Variants in ZC3H14 observed in about 807,000 individuals in gnomAD.
ZC3H14 encodes zinc finger CCCH-type containing 14.
A neutral mutation model predicts 92.4 loss-of-function variants in ZC3H14; 31 were observed. That is an observed-to-expected ratio of 0.34 (90% CI 0.25 to 0.45). ZC3H14 has a LOEUF of 0.45. Ranked by LOEUF, ZC3H14 falls within the 20% of genes least tolerant of loss-of-function variation. The pLI, the probability that ZC3H14 is intolerant of heterozygous loss-of-function variation, is 1.00. For synonymous variants in ZC3H14, 321 were observed against 300.9 expected (o/e 1.07, Z -0.69); for missense variants, 781 against 897.3 (o/e 0.87, Z 1.66).
In ZC3H14 at chr14:88,615,363, T is replaced by A. The variant is rs2087431452; in HGVS notation, c.*3612T>A. Reference sequence around the variant, plus strand: ...CCTTTAGGATGATCATGACTTTCCCTTTCCTTATGGAAATGCAAGAATAAA... The same window carrying A: ...CCTTTAGGATGATCATGACTTTCCCATTCCTTATGGAAATGCAAGAATAAA... On this transcript the variant is annotated 3_prime_UTR_variant, in exon 17 of 17. Transcript: ENST00000251038. 1 of 153,100 alleles carries A rather than the reference T, an allele frequency of 6.5e-6. No homozygotes were observed. The highest frequency in any genetic ancestry group is 1.5e-5 in the Non-Finnish European group (1 of 68,676). 9.5% of individuals were successfully genotyped at this position (153,100 alleles called of 1,614,324 possible).
chr14:88,615,869 G>A lies in ZC3H14; in HGVS notation c.*4118G>A. The A allele has an allele frequency of 6.2e-7, 1 of 1,608,684 alleles. No individual in the cohort carries two copies. On this transcript the variant is annotated 3_prime_UTR_variant, in exon 17 of 17. Transcript: ENST00000251038. ...AGACAAATAAGCTGCAATCAGAGAA[G>A]AAAATTGCAGGGAGTTAATTATGTT...
At chr14:88,609,606 T>G (rs1268349981) in intron 14 of ZC3H14, 106 bp from the exon 15 acceptor site, 1 of 1,425,568 alleles carries the variant, frequency 7.0e-7, no homozygotes, top group Non-Finnish European at 9.8e-7. Flanking sequence ...ACCTTACCAT[T>G]CTAATTTAAA....
intron 9 of ZC3H14, among the ~76,000 whole-genome samples, chr14:88,587,194 C>T (rs2082564320): frequency 6.7e-6 from 1 of 149,702 alleles, no homozygotes; most frequent in African/African-American, 2.5e-5. Flanking sequence ...TAGAGTCTCA[C>T]TTTTGTCACC....
At chr14:88,584,992 C>T (rs1034861282) in intron 9 of ZC3H14, among the ~76,000 whole-genome samples, 141 of 152,276 alleles carry the variant, frequency 9.3e-4, no homozygotes, top group African/African-American at 3.2e-3. Flanking sequence ...GCTGCCACTG[C>T]AGCTACGTTG....
intron 3 of ZC3H14, among the ~76,000 whole-genome samples, chr14:88,570,051 A>G (rs544989724): frequency 1.2e-3 from 187 of 152,268 alleles, no homozygotes; most frequent in Middle Eastern, 3.4e-3. Context: ...TTTCTCCGAT[A>G]ACTTGATAGA....
At chr14:88,575,706 G>T (rs2081075091) in intron 7 of ZC3H14, 134 bp from the exon 8 acceptor site, 5 of 675,012 alleles carry the variant, frequency 7.4e-6, no homozygotes, top group Non-Finnish European at 1.3e-5. Flanking sequence ...TTCCAGTGTA[G>T]TTGGCATTTT....
In ZC3H14 at chr14:88,620,642, G is replaced by T. The variant is rs2088725208; in HGVS notation, c.*8891G>T. 1.1e-5 allele frequency: 9 copies of T among 813,594 alleles called. No homozygotes were observed. The East Asian group carries it at 2.7e-4, about 24-fold the overall frequency. 50.4% of individuals were successfully genotyped at this position (813,594 alleles called of 1,614,324 possible). On this transcript the variant is annotated 3_prime_UTR_variant, in exon 17 of 17. Transcript: ENST00000251038. The surrounding 1 kb of genome is among the most constrained non-coding windows in gnomAD (Gnocchi z 4.3). ...TTTTAGCATACAATTTATAATACGG[G>T]AAATGCTACAGGCCCTGGGGACCTC...
chr14:88,609,894 C>A, intron 15 of ZC3H14, 91 bp downstream of exon 15: 1 of 1,380,448 alleles, frequency 7.2e-7, no homozygotes, highest in Non-Finnish European at 1.0e-6. Context: ...TACATTGGTG[C>A]AAAAGTAATT....
intron 9 of ZC3H14, among the ~76,000 whole-genome samples, chr14:88,594,076 G>A (rs141257046): frequency 1.5e-4 from 22 of 151,432 alleles, no homozygotes; most frequent in East Asian, 1.2e-3. Context: ...TGTGGATCAC[G>A]GGTCCAGTTA....
In ZC3H14 at chr14:88,619,130, C is replaced by T. The variant is rs982821617; in HGVS notation, c.*7379C>T. ...CCTATAATCCCAGAACTTTGGGAAGCGGAGGCGGGCAGATCACCTGAGGTC... is the reference window on the plus strand; with the variant it reads ...CCTATAATCCCAGAACTTTGGGAAGTGGAGGCGGGCAGATCACCTGAGGTC... On this transcript the variant is annotated 3_prime_UTR_variant, in exon 17 of 17. Coordinates refer to ENST00000251038, the MANE Select transcript of ZC3H14 (RefSeq NM_024824.5). 6 of 174,476 alleles carry T rather than the reference C, an allele frequency of 3.4e-5. No individual in the cohort carries two copies. The South Asian group carries it at 4.8e-4, about 14-fold the overall frequency. 10.8% of individuals were successfully genotyped at this position (174,476 alleles called of 1,614,324 possible).
At chr14:88,596,647 A>G (rs2083860083) in intron 9 of ZC3H14, 87 bp from the exon 10 acceptor site, 1 of 1,139,552 alleles carries the variant, frequency 8.8e-7, no homozygotes, top group Non-Finnish European at 1.3e-6. Context: ...CTTCAAGTTA[A>G]GAACCCAGAA....
Position 88,620,902 on chromosome 14 carries a change from C to A in ZC3H14, c.*9151C>A. On this transcript the variant is annotated 3_prime_UTR_variant, in exon 17 of 17. Coordinates refer to ENST00000251038, the MANE Select transcript of ZC3H14 (RefSeq NM_024824.5). The surrounding 1 kb of genome is among the most constrained non-coding windows in gnomAD (Gnocchi z 4.3). Reference sequence around the variant, plus strand: ...TAACACACAGTACGAGCAGCATGTCCCAAATTCACTTTGTTTAACATCTTC... The same window carrying A: ...TAACACACAGTACGAGCAGCATGTCACAAATTCACTTTGTTTAACATCTTC... 1 of 1,519,958 alleles carries A rather than the reference C, an allele frequency of 6.6e-7. No homozygotes were observed. The highest frequency in any genetic ancestry group is 2.4e-5 in the East Asian group (1 of 41,654). The allele number at this position is 1,519,958 out of a possible 1,614,324, so 94.2% of individuals were successfully genotyped here. A position where few individuals can be genotyped will look rare whatever the true frequency, so the allele number is the denominator to read the frequency against.
At chr14:88,599,424 T>C (rs1046893981) in intron 10 of ZC3H14, among the ~76,000 whole-genome samples, 4 of 152,154 alleles carry the variant, frequency 2.6e-5, no homozygotes, top group African/African-American at 7.2e-5. Flanking sequence ...GAACAAAAAG[T>C]AAATGCATGG....
At chr14:88,592,232 G>T (rs1045107784) in intron 9 of ZC3H14, 6 of 152,052 alleles carry the variant, frequency 3.9e-5, no homozygotes, top group African/African-American at 1.2e-4. Context: ...TGCAGGTGGT[G>T]CTTTTCTGAG....
intron 9 of ZC3H14, among the ~76,000 whole-genome samples, chr14:88,578,781 G>GTTTTTTTTTTTTT (rs35101368): frequency 5.0e-3 from 383 of 76,896 alleles, no homozygotes; most frequent in Non-Finnish European, 5.8e-3. Flanking sequence ...TTGCTTCCAG[G>GTTTTTTTTTTTTT]TTTTTTTTTT....
intron 12 of ZC3H14, among the ~76,000 whole-genome samples, chr14:88,606,545 G>A (rs1348952819): frequency 6.6e-6 from 1 of 152,054 alleles, no homozygotes; most frequent in African/African-American, 2.4e-5. Flanking sequence ...CGAGGTGGGT[G>A]GATCGCTTAA....
At position 88,620,863 on chromosome 14, in the gene ZC3H14, C is replaced by G. The variant is rs755875584; in HGVS notation, c.*9112C>G. 7 of 1,586,332 alleles carry G rather than the reference C, an allele frequency of 4.4e-6. No homozygotes were observed. The South Asian group carries it at 8.0e-5, about 18-fold the overall frequency. ...TTTTTCATTCCAATAGCCACCATGT[C>G]CCCTTCAGGGCTGTAACACACAGTA... On this transcript the variant is annotated 3_prime_UTR_variant, in exon 17 of 17. Coordinates refer to ENST00000251038, the MANE Select transcript of ZC3H14 (RefSeq NM_024824.5). The surrounding 1 kb of genome is among the most constrained non-coding windows in gnomAD (Gnocchi z 4.3).
At chr14:88,568,542 A>G (rs2079987542) in intron 3 of ZC3H14, among the ~76,000 whole-genome samples, 1 of 152,146 alleles carries the variant, frequency 6.6e-6, no homozygotes, top group African/African-American at 2.4e-5. Context: ...GTCTCTTGAG[A>G]ACTCACTATC....
intron 16 of ZC3H14, 67 bp from the exon 17 acceptor site, chr14:88,611,678 C>T (rs1258590938): frequency 6.3e-6 from 10 of 1,587,666 alleles, no homozygotes; most frequent in Admixed American, 1.7e-5. Flanking sequence ...ACTTTTTAAA[C>T]TGAGATATAT....
Sources: allele counts gnomAD v4.1 joint callset (sites outside exome capture counted in the v4.1 genomes callset), GRCh38; gene constraint gnomAD v4.1.1; non-coding constraint Gnocchi (gnomAD v3.1); transcripts MANE v1.5; gene names NCBI Gene and HGNC (gene_info 2026-07-23, HGNC 2026-07-21).